The following DAB1 variants were observed in gnomAD, a reference collection of about 807,000 sequenced individuals.
DAB1 encodes DAB adaptor protein 1, also known as disabled homolog 1.
DAB1 carries 15 observed loss-of-function variants against 64.6 expected under a neutral mutation model. That is an observed-to-expected ratio of 0.23 (90% CI 0.16 to 0.36). The LOEUF (loss-of-function observed/expected upper bound fraction) is 0.36, where lower values mean the gene tolerates loss of function less well. Among genes scored for constraint, DAB1 ranks in the 10% least tolerant of loss-of-function variants. The pLI is 1.00. For synonymous variants in DAB1, 235 were observed against 251.9 expected, an observed-to-expected ratio of 0.93 and a Z score of 0.64; for missense variants, 596 against 706.7, an observed-to-expected ratio of 0.84 and a Z score of 1.78.
At chr1:57,603,348 TTCTTTTCTGG>T (rs1371612393) in intron 7 of DAB1, among the ~76,000 whole-genome samples, 15 of 152,080 alleles carry the variant, frequency 9.9e-5, no homozygotes, top group Non-Finnish European at 2.1e-4. Flanking sequence ...TGGTCTAGAG[TTCTTTTCTGG>T]CAGGCGGTCT....
intron 7 of DAB1, among the ~76,000 whole-genome samples, chr1:57,623,660 A>G (rs1645888441): frequency 6.6e-6 from 1 of 152,128 alleles, no homozygotes. Flanking sequence ...AGAATAAACA[A>G]GGCCTGCAGA....
chr1:57,097,917 A>G (rs889411616), intron 4 of DAB1, among the ~76,000 whole-genome samples: 9 of 151,998 alleles, frequency 5.9e-5, no homozygotes, highest in African/African-American at 2.2e-4. Context: ...AGCTGGGACC[A>G]CAGGTGTCCA....
chr1:57,303,432 C>T (rs909711606), intron 1 of DAB1, among the ~76,000 whole-genome samples: 1 of 152,202 alleles, frequency 6.6e-6, no homozygotes, highest in African/African-American at 2.4e-5. Context: ...GCCTGACCAG[C>T]AGTCACAGCT....
chr1:57,067,657 A>G (rs904649804), intron 8 of DAB1, among the ~76,000 whole-genome samples: 1 of 152,180 alleles, frequency 6.6e-6, no homozygotes, highest in African/African-American at 2.4e-5. Context: ...GTAAAGTGGT[A>G]ATTGCAAAAA....
At chr1:57,918,231 T>C (rs1157050641) in intron 5 of DAB1, among the ~76,000 whole-genome samples, 1 of 152,152 alleles carries the variant, frequency 6.6e-6, no homozygotes, top group African/African-American at 2.4e-5. Flanking sequence ...GGCATGGCTG[T>C]AATCCAATAA....
Position 58,261,388 on chromosome 1 carries a change from ACC to A in DAB1, n.309+81962_309+81963del, listed in dbSNP as rs1661044838. Among the ~76,000 whole-genome samples the A allele has an allele frequency of 2.0e-5, 3 of 152,210 alleles. No individual in the cohort carries two copies. The South Asian group carries it at 6.2e-4, about 32-fold the overall frequency. ...ACTCTAGAACTGGACAGACAAGCCC[ACC>A]AGTCCAAGGCATTCCTGAATTGCCT... On this transcript the variant is annotated intron_variant and non_coding_transcript_variant, in intron 4 of 20. Transcript: ENST00000485760.
intron 7 of DAB1, among the ~76,000 whole-genome samples, chr1:57,570,441 C>A (rs1426771344): frequency 2.0e-5 from 3 of 152,022 alleles, no homozygotes; most frequent in Non-Finnish European, 4.4e-5. Context: ...TTATGTTTAA[C>A]CCACCTTATG....
intron 3 of DAB1, chr1:58,473,850 C>T: frequency 1.6e-6 from 1 of 624,966 alleles, no homozygotes; most frequent in Non-Finnish European, 2.7e-6. Flanking sequence ...GTGTGTCTTC[C>T]TAGCCTGCGT....
rs1646660123 is a variant in DAB1 at position 57,022,733 on chromosome 1, A to G, written c.895+798T>C. 2.0e-5 allele frequency among the ~76,000 whole-genome samples: 3 copies of G among 152,276 alleles called. No homozygotes were observed. The South Asian group carries it at 6.2e-4, about 32-fold the overall frequency. On this transcript the variant is annotated intron_variant, in intron 11 of 14. Transcript: ENST00000371236. ...CCATTTATAAGAATAAAGGCAAGAA[A>G]GATAAAGCCACAGATTTCAAATACA...
chr1:57,384,679 G>C (rs1570418984), intron 1 of DAB1, among the ~76,000 whole-genome samples: 1 of 152,308 alleles, frequency 6.6e-6, no homozygotes, highest in East Asian at 1.9e-4. Flanking sequence ...GACGTATCTA[G>C]AGTAGTCAAA....
intron 2 of DAB1, among the ~76,000 whole-genome samples, chr1:57,275,539 T>C (rs1331597461): frequency 6.6e-6 from 1 of 152,164 alleles, no homozygotes; most frequent in Non-Finnish European, 1.5e-5. Context: ...ACCCCTAAAG[T>C]CATTGTGAGG....
Position 58,461,539 on chromosome 1 carries a change from C to T in DAB1, n.257+44521G>A, listed in dbSNP as rs184723421. ...AAGAGAAAGCAAGAGAAAAATCTGT[C>T]CAAAGCTGTTTTCACATAATCACAT... On this transcript the variant is annotated intron_variant and non_coding_transcript_variant, in intron 3 of 20. Coordinates refer to the DAB1 transcript ENST00000485760. Among the ~76,000 whole-genome samples the T allele has an allele frequency of 1.6e-4, 25 of 152,290 alleles. No homozygotes were observed. The East Asian group carries it at 4.8e-3, about 29-fold the overall frequency.
intron 2 of DAB1, among the ~76,000 whole-genome samples, chr1:58,516,542 C>T (rs1266918251): frequency 6.6e-6 from 1 of 152,044 alleles, no homozygotes; most frequent in African/African-American, 2.4e-5. Context: ...ACGACAAATG[C>T]CTTCCAAATG....
At chr1:58,541,881 T>C (rs1646627329) in intron 1 of DAB1, among the ~76,000 whole-genome samples, 2 of 152,210 alleles carry the variant, frequency 1.3e-5, no homozygotes, top group South Asian at 4.1e-4. Flanking sequence ...GCAATCATTG[T>C]ATCTCAGTGA....
chr1:57,529,921 T>C (rs1226472898), intron 7 of DAB1, among the ~76,000 whole-genome samples: 1 of 152,122 alleles, frequency 6.6e-6, no homozygotes, highest in Admixed American at 6.6e-5. Context: ...AAGCATCTAT[T>C]CATTCAATAC....
intron 4 of DAB1, among the ~76,000 whole-genome samples, chr1:58,235,942 C>G (rs1272317955): frequency 6.6e-6 from 1 of 152,214 alleles, no homozygotes; most frequent in Non-Finnish European, 1.5e-5. Flanking sequence ...TAAGGGAAAG[C>G]TGCTACAGGA....
intron 3 of DAB1, among the ~76,000 whole-genome samples, chr1:58,467,494 G>A (rs2100323254): frequency 6.6e-6 from 1 of 152,322 alleles, no homozygotes; most frequent in East Asian, 1.9e-4. Flanking sequence ...AGCCACTGGG[G>A]ATTAAGAAAT....
intron 5 of DAB1, among the ~76,000 whole-genome samples, chr1:58,119,225 CGTGTGTGTGTGTGTGTGTGTGTGTGTGT>C (rs35994489): frequency 6.8e-6 from 1 of 146,884 alleles, no homozygotes; most frequent in Non-Finnish European, 1.5e-5. Flanking sequence ...TGTGTGTGTG[CGTGTGTGTGTGTGTGTGTGTGTGTGTGT>C]GTATGCTTAA....
intron 2 of DAB1, among the ~76,000 whole-genome samples, chr1:57,226,672 A>AAATATAT (rs747021990): frequency 3.7e-4 from 51 of 136,002 alleles, no homozygotes; most frequent in African/African-American, 1.4e-3. Context: ...TTAAAAAAAA[A>AAATATAT]ATATATATAT....
Sources: gnomAD v4.1 joint callset for allele counts (sites outside exome capture counted in the v4.1 genomes callset) on GRCh38, gnomAD v4.1.1 for gene constraint, MANE v1.5 for transcripts, NCBI Gene and HGNC (gene_info 2026-07-23, HGNC 2026-07-21) for gene names.